SMARCA2: variants seen among roughly 807,000 people sequenced by gnomAD.
SMARCA2 encodes SWI/SNF related BAF chromatin remodeling complex subunit ATPase 2.
SMARCA2 carries 61 observed loss-of-function variants against 199.8 expected under a neutral mutation model. The ratio of observed to expected loss-of-function variants is 0.31; its 90% CI spans 0.25 to 0.38. The LOEUF is 0.38. SMARCA2 is among the 10% of genes least tolerant of loss of function. The probability of loss-of-function intolerance (pLI) is 1.00; values close to 1 mark genes in which losing one functional copy is unlikely to be tolerated. For missense variants in SMARCA2, 1,344 were observed against 2,012.2 expected (o/e 0.67, Z 6.35); for synonymous variants, 935 against 732.0 (o/e 1.28, Z -4.48).
rs1818384005 is a variant in SMARCA2 at position 2,017,049 on chromosome 9, GGCGGACAC to G, written c.-37+1646_-37+1653del. ...GGCGGGGCGCGGCAGTGCGGGCTCC[GGCGGACAC>G]CCGCGCCTTGGCCGGGGCACTTGGG... On this transcript the variant is annotated intron_variant, in intron 1 of 33. Transcript: ENST00000349721. This position sits in a 1 kb window ranked among gnomAD's most constrained non-coding sequence, Gnocchi z 8.8. 1 of 152,212 alleles carries G rather than the reference GGCGGACAC, an allele frequency of 6.6e-6. No individual in the cohort carries two copies. Among genetic ancestry groups the G allele is most frequent in the African/African-American group, 2.4e-5 (1 of 41,418 alleles). The allele number at this position is 152,212 out of a possible 1,614,324, so 9.4% of individuals were successfully genotyped here. A position where few individuals can be genotyped will look rare whatever the true frequency, so the allele number is the denominator to read the frequency against.
At chr9:2,091,215 C>T (rs1822041911) in intron 19 of SMARCA2, among the ~76,000 whole-genome samples, 1 of 152,128 alleles carries the variant, frequency 6.6e-6, no homozygotes, top group Non-Finnish European at 1.5e-5. Context: ...TCATCATCCA[C>T]CGCTCCAAAA....
chr9:2,094,183 G>A (rs1054069455), intron 19 of SMARCA2, among the ~76,000 whole-genome samples: 1 of 152,130 alleles, frequency 6.6e-6, no homozygotes, highest in Non-Finnish European at 1.5e-5. Context: ...GAAGGCTCTG[G>A]GAGCAAACAT....
intron 27 of SMARCA2, among the ~76,000 whole-genome samples, chr9:2,125,431 T>A (rs1450114475): frequency 1.3e-5 from 2 of 151,826 alleles, no homozygotes; most frequent in Non-Finnish European, 2.9e-5. Flanking sequence ...ATTTAAGCAA[T>A]AAATTGAGTA....
chr9:2,058,022 C>G (rs901920763), intron 7 of SMARCA2: 10 of 271,778 alleles, frequency 3.7e-5, no homozygotes, highest in Non-Finnish European at 6.3e-5. Flanking sequence ...TTCGATCTTT[C>G]CATTCTCATG....
chr9:2,108,508 C>T (rs1355812763), intron 23 of SMARCA2, among the ~76,000 whole-genome samples: 3 of 152,172 alleles, frequency 2.0e-5, no homozygotes, highest in East Asian at 3.8e-4. Flanking sequence ...GAACTTCTAT[C>T]CTGAGAGTAT....
chr9:2,061,075 T>G lies in SMARCA2; in HGVS notation c.1692+89T>G, dbSNP rs1401274782. 1.7e-5 allele frequency: 21 copies of G among 1,228,244 alleles called. No homozygotes were observed. In the East Asian group the frequency reaches 5.3e-4, roughly 31 times the overall value. 76.1% of individuals were successfully genotyped at this position (1,228,244 alleles called of 1,614,324 possible). On this transcript the variant is annotated intron_variant, in intron 9 of 33. Coordinates refer to ENST00000349721, the MANE Select transcript of SMARCA2 (RefSeq NM_003070.5). Reference sequence around the variant, plus strand: ...AGTATTGCTCTTTAAGTACTACTTCTTACACTGGTGGAAGGTTTAGATGAT... The same window carrying G: ...AGTATTGCTCTTTAAGTACTACTTCGTACACTGGTGGAAGGTTTAGATGAT...
At chr9:2,045,648 C>G (rs186685686) in intron 4 of SMARCA2, 4 of 152,040 alleles carry the variant, frequency 2.6e-5, no homozygotes, top group Admixed American at 6.5e-5. Context: ...TATGGAGGTA[C>G]ATCTACAATA....
chr9:2,034,159 C>T (rs947673583), intron 3 of SMARCA2, among the ~76,000 whole-genome samples: 1 of 149,336 alleles, frequency 6.7e-6, no homozygotes, highest in African/African-American at 2.5e-5. Context: ...GCATGAGAAT[C>T]GCTTGAACCC....
At chr9:2,180,382 G>T (rs145845668) in intron 29 of SMARCA2, among the ~76,000 whole-genome samples, 2 of 152,198 alleles carry the variant, frequency 1.3e-5, no homozygotes, top group Admixed American at 6.5e-5. Context: ...GAGTTACTGC[G>T]CATGCCTTTT....
In SMARCA2 at chr9:2,150,895, A is replaced by G. The variant is rs776056519; in HGVS notation, c.3982-10791A>G. Among the ~76,000 whole-genome samples the G allele has an allele frequency of 4.0e-4, 60 of 151,450 alleles. 3 individuals carry two copies. The highest frequency in any genetic ancestry group is 7.1e-4 in the Non-Finnish European group (48 of 67,706). On this transcript the variant is annotated intron_variant, in intron 27 of 33. Transcript: ENST00000349721. ...GTTCCTCTATGTGCATCTGTGTCTT[A>G]GCAGCCTTTTCTTAGAAAGACAGCA...
Position 2,081,950 on chromosome 9 carries a change from A to T in SMARCA2, c.2303A>T (p.Glu768Val). 6.2e-7 allele frequency: 1 copy of T among 1,613,934 alleles called. No individual in the cohort carries two copies. The highest frequency in any genetic ancestry group is 1.3e-5 in the African/African-American group (1 of 75,042). The change falls in exon 15 of 34, where the codon GAG becomes GTG. Residue 768 changes from glutamate (E) to valine (V), a missense_variant. By Grantham distance (121) the Glu-to-Val change is moderately radical. Coordinates refer to ENST00000349721, the MANE Select transcript of SMARCA2 (RefSeq NM_003070.5). Reference sequence around the variant, plus strand: ...ATTGCACTCATCACTTATCTGATGGAGCACAAAAGACTCAATGGCCCCTAT... The same window carrying T: ...ATTGCACTCATCACTTATCTGATGGTGCACAAAAGACTCAATGGCCCCTAT... ...QTIALITYLM[E>V]HKRLNGPYLI...
At chr9:2,061,314 C>G (rs1820580949) in intron 9 of SMARCA2, among the ~76,000 whole-genome samples, 1 of 152,072 alleles carries the variant, frequency 6.6e-6, no homozygotes, top group African/African-American at 2.4e-5. Flanking sequence ...AAGTTTAATG[C>G]TAGGGTGGCA....
intron 32 of SMARCA2, among the ~76,000 whole-genome samples, chr9:2,187,473 A>T (rs1439795701): frequency 6.6e-6 from 1 of 152,112 alleles, no homozygotes; most frequent in African/African-American, 2.4e-5. Context: ...GGAGTTCAAG[A>T]CCAGCCTGGA....
intron 27 of SMARCA2, among the ~76,000 whole-genome samples, chr9:2,142,081 T>A (rs949608546): frequency 2.6e-5 from 4 of 152,152 alleles, no homozygotes; most frequent in Non-Finnish European, 4.4e-5. Flanking sequence ...AGTTTCCCTC[T>A]CCTTGGTTGT....
chr9:2,158,769 C>A, intron 27 of SMARCA2: 1 of 465,718 alleles, frequency 2.1e-6, no homozygotes. Flanking sequence ...AATAATTTTA[C>A]TTACATGCAG....
Position 2,101,560 on chromosome 9 carries a change from T to C in SMARCA2, c.3079-10T>C, listed in dbSNP as rs769701267. ...TTTAAAATCATTCTTTCTATCTCTC[T>C]CTTTTAAAGGAATCCTTTGCTGAAC... On this transcript the variant is annotated splice_polypyrimidine_tract_variant and intron_variant, in intron 21 of 33. Transcript: ENST00000349721. 1.4e-6 allele frequency: 2 copies of C among 1,443,370 alleles called. No individual in the cohort carries two copies. The highest frequency in any genetic ancestry group is 9.5e-7 in the Non-Finnish European group (1 of 1,047,926). The allele number at this position is 1,443,370 out of a possible 1,614,324, so 89.4% of individuals were successfully genotyped here. A position where few individuals can be genotyped will look rare whatever the true frequency, so the allele number is the denominator to read the frequency against.
intron 28 of SMARCA2, among the ~76,000 whole-genome samples, chr9:2,162,349 T>C (rs547433544): frequency 1.3e-5 from 2 of 152,320 alleles, no homozygotes; most frequent in African/African-American, 2.4e-5. Context: ...GTAAATACAG[T>C]TTCTCCTTTC....
chr9:2,100,408 A>G (rs1343235986), intron 21 of SMARCA2, among the ~76,000 whole-genome samples: 2 of 152,162 alleles, frequency 1.3e-5, no homozygotes, highest in Admixed American at 6.6e-5. Flanking sequence ...AGACATTAGG[A>G]TTTCACCTAA....
chr9:2,109,908 G>A (rs1822923395), intron 23 of SMARCA2, among the ~76,000 whole-genome samples: 1 of 152,194 alleles, frequency 6.6e-6, no homozygotes, highest in Admixed American at 6.5e-5. Flanking sequence ...GAAAGAGACA[G>A]GGCGAGAGAG....
Sources: allele counts gnomAD v4.1 joint callset (sites outside exome capture counted in the v4.1 genomes callset), GRCh38; gene constraint gnomAD v4.1.1; non-coding constraint Gnocchi (gnomAD v3.1); transcripts MANE v1.5; gene names NCBI Gene and HGNC (gene_info 2026-07-23, HGNC 2026-07-21).